The following ARHGAP32 variants were observed in gnomAD, a reference collection of about 807,000 sequenced individuals.
ARHGAP32 encodes the protein rho GTPase-activating protein 32.
Under a neutral mutation model 186.5 loss-of-function variants are expected in ARHGAP32, and 51 were observed. That is an observed-to-expected ratio of 0.27 (90% CI 0.22 to 0.35). The LOEUF is 0.35. Among genes scored for constraint, ARHGAP32 ranks in the 10% least tolerant of loss-of-function variants. The pLI is 1.00. For synonymous variants in ARHGAP32, 950 were observed against 964.3 expected (o/e 0.99, Z 0.27); for missense variants, 2,186 against 2,623.5 (o/e 0.83, Z 3.64).
rs192221406 is a variant in ARHGAP32, at chr11:129,107,644, G to A, written c.445-13937C>T. Among the ~76,000 whole-genome samples, 160 of 152,160 alleles carry A rather than the reference G, an allele frequency of 1.1e-3. 1 individual carries two copies. The highest frequency in any genetic ancestry group is 1.7e-3 in the Non-Finnish European group (116 of 67,988). ...AGCACTTTGGGAGGCCACAGCAGGC[G>A]GATCGCCTGAGGTCAGGAGTTCGAG... On this transcript the variant is annotated intron_variant, in intron 5 of 22. Transcript: ENST00000682385.
chr11:129,143,049 C>T (rs2135431963), intron 2 of ARHGAP32, among the ~76,000 whole-genome samples: 1 of 81,404 alleles, frequency 1.2e-5, no homozygotes, highest in African/African-American at 4.4e-5. Context: ...AAAATAGCAG[C>T]TGTCTATATG....
intron 6 of ARHGAP32, among the ~76,000 whole-genome samples, chr11:129,073,770 AAAC>A (rs1231440466): frequency 3.4e-5 from 5 of 148,238 alleles, no homozygotes; most frequent in South Asian, 4.2e-4. Flanking sequence ...AACAAACAAA[AAAC>A]AACAACAACA....
At chr11:129,048,802 T>C (rs1939919825) in intron 10 of ARHGAP32, among the ~76,000 whole-genome samples, 1 of 152,042 alleles carries the variant, frequency 6.6e-6, no homozygotes, top group Non-Finnish European at 1.5e-5. Flanking sequence ...TGCTTTAAAG[T>C]TTTAATTAAT....
intron 1 of ARHGAP32, among the ~76,000 whole-genome samples, chr11:129,207,462 T>A (rs1944528524): frequency 1.3e-5 from 2 of 152,364 alleles, no homozygotes; most frequent in South Asian, 4.1e-4. Flanking sequence ...CTCACTGTGG[T>A]TTTGATTTGC....
At chr11:129,248,127 A>T (rs1256452535) in intron 1 of ARHGAP32, among the ~76,000 whole-genome samples, 2 of 151,622 alleles carry the variant, frequency 1.3e-5, no homozygotes, top group East Asian at 3.9e-4. Flanking sequence ...CCTGGCTAAC[A>T]CGGTGAAACC....
At chr11:129,138,672 C>A (rs1474076075) in intron 2 of ARHGAP32, among the ~76,000 whole-genome samples, 2 of 152,186 alleles carry the variant, frequency 1.3e-5, no homozygotes, top group Non-Finnish European at 2.9e-5. Context: ...AAGCTGGCTA[C>A]TTCTACATTC....
chr11:129,248,095 G>T (rs1244437156), intron 1 of ARHGAP32, among the ~76,000 whole-genome samples: 1 of 151,452 alleles, frequency 6.6e-6, no homozygotes, highest in African/African-American at 2.4e-5. Flanking sequence ...GGCAGATCAC[G>T]AGGTCAGGAG....
chr11:129,042,403 T>G (rs897992297), intron 10 of ARHGAP32, among the ~76,000 whole-genome samples: 3 of 152,246 alleles, frequency 2.0e-5, no homozygotes, highest in Non-Finnish European at 4.4e-5. Flanking sequence ...TCCTATGCAC[T>G]GCCTTCCAAA....
intron 1 of ARHGAP32, among the ~76,000 whole-genome samples, chr11:129,190,200 C>T (rs1041889364): frequency 1.3e-5 from 2 of 152,156 alleles, no homozygotes; most frequent in South Asian, 2.1e-4. Context: ...AACTCCTATC[C>T]GACCCTTCCC....
intron 1 of ARHGAP32, among the ~76,000 whole-genome samples, chr11:129,187,264 C>T (rs575885101): frequency 1.1e-4 from 16 of 152,052 alleles, no homozygotes; most frequent in South Asian, 6.2e-4. Flanking sequence ...AAGCCAGGCA[C>T]GGAAAGACAA....
chr11:129,254,934 G>C (rs1453889912), intron 1 of ARHGAP32, among the ~76,000 whole-genome samples: 10 of 152,102 alleles, frequency 6.6e-5, no homozygotes, highest in Admixed American at 6.6e-4. Context: ...TAAGAGGCTA[G>C]AAGTCTAGCT....
intron 1 of ARHGAP32, among the ~76,000 whole-genome samples, chr11:129,275,412 A>G (rs1817490657): frequency 6.6e-6 from 1 of 152,228 alleles, no homozygotes; most frequent in Non-Finnish European, 1.5e-5. Context: ...CACGACATTA[A>G]TTAGTTTGTC....
intron 1 of ARHGAP32, among the ~76,000 whole-genome samples, chr11:129,216,124 C>T (rs1372757002): frequency 2.0e-5 from 3 of 152,146 alleles, no homozygotes; most frequent in African/African-American, 7.2e-5. Flanking sequence ...TTTCAGACTT[C>T]TGGTCTCCAA....
At chr11:129,126,036 A>G (rs1456108311) in intron 2 of ARHGAP32, 1 of 440,836 alleles carries the variant, frequency 2.3e-6, no homozygotes, top group Non-Finnish European at 4.5e-6. Flanking sequence ...AAACAAAGTT[A>G]CTTCATAATC....
At chr11:129,251,185 C>G (rs958339371) in intron 1 of ARHGAP32, among the ~76,000 whole-genome samples, 1 of 152,116 alleles carries the variant, frequency 6.6e-6, no homozygotes, top group Non-Finnish European at 1.5e-5. Context: ...ATGAAGTTGG[C>G]AAAAATGCCA....
intron 10 of ARHGAP32, among the ~76,000 whole-genome samples, chr11:129,054,546 A>G (rs1013075227): frequency 4.6e-5 from 7 of 152,236 alleles, no homozygotes; most frequent in African/African-American, 1.7e-4. Flanking sequence ...CATAACAAAC[A>G]ATCCTAAAAT....
Position 128,973,326 on chromosome 11 carries a change from T to C in ARHGAP32, c.3180A>G (p.Ala1060=). Residue 1060 remains alanine, a synonymous_variant, in exon 22 of 23, where the codon GCA becomes GCG. Coordinates refer to ENST00000682385, the MANE Select transcript of ARHGAP32 (RefSeq NM_001378024.1). ...AGGCTTGCTGTGCGGACTCAGCTAA[T>C]GCTAGCGCCAACATTCGGGCAACAT... ...PKNVARMLAL[A]LAESAQQAST... is the part of the protein sequence containing the mutation. 3 of 1,614,148 alleles carry C rather than the reference T, an allele frequency of 1.9e-6. No individual in the cohort carries two copies. Among genetic ancestry groups the C allele is most frequent in the African/African-American group, 1.3e-5 (1 of 75,028 alleles).
At chr11:129,087,602 G>C (rs936164780) in intron 6 of ARHGAP32, among the ~76,000 whole-genome samples, 1 of 152,182 alleles carries the variant, frequency 6.6e-6, no homozygotes, top group Non-Finnish European at 1.5e-5. Flanking sequence ...AGGGAAAGAT[G>C]AATCAGAGGG....
intron 1 of ARHGAP32, among the ~76,000 whole-genome samples, chr11:129,259,230 A>G (rs772067601): frequency 6.6e-6 from 1 of 152,192 alleles, no homozygotes; most frequent in African/African-American, 2.4e-5. Context: ...TTTTTCTCCA[A>G]AATGGAAAGA....
Sources: gnomAD v4.1 joint callset for allele counts (sites outside exome capture counted in the v4.1 genomes callset) on GRCh38, gnomAD v4.1.1 for gene constraint, MANE v1.5 for transcripts, NCBI Gene and HGNC (gene_info 2026-07-23, HGNC 2026-07-21) for gene names.